Variants in THSD4 observed in about 807,000 individuals in gnomAD.
THSD4 encodes the protein thrombospondin type 1 domain containing 4, also known as thrombospondin type-1 domain-containing protein 4.
Under a neutral mutation model 119.0 loss-of-function variants are expected in THSD4, and 69 were observed. The observed-to-expected ratio is 0.58, with a 90% confidence interval of 0.48 to 0.71. THSD4 has a LOEUF of 0.71. Ranked by LOEUF, THSD4 falls within the 30% of genes least tolerant of loss-of-function variation. The probability of loss-of-function intolerance (pLI) is 0.00; values close to 1 mark genes in which losing one functional copy is unlikely to be tolerated. For missense variants in THSD4, 1,393 were observed against 1,391.1 expected (o/e 1.00, Z -0.02); for synonymous variants, 524 against 540.4 (o/e 0.97, Z 0.42).
At chr15:71,442,660 G>GTGTGTGTATGTATGTGTATATA in intron 7 of THSD4, among the ~76,000 whole-genome samples, 1 of 25,828 alleles carries the variant, frequency 3.9e-5, no homozygotes, top group East Asian at 8.2e-4. Context: ...GTGTGTGTGT[G>GTGTGTGTATGTATGTGTATATA]TATATATATA....
At chr15:71,642,859 G>A (rs11631960) in intron 7 of THSD4, among the ~76,000 whole-genome samples, 55,587 of 151,670 alleles carry the variant, frequency 0.37, 10,984 homozygotes, top group East Asian at 0.83. Context: ...TAAATGACGA[G>A]TTAATGGGTG....
At chr15:71,406,037 T>C (rs2046600784) in intron 6 of THSD4, among the ~76,000 whole-genome samples, 1 of 152,120 alleles carries the variant, frequency 6.6e-6, no homozygotes, top group Non-Finnish European at 1.5e-5. Flanking sequence ...TCCTCCTGCC[T>C]TGGACTCCCA....
chr15:71,488,750 T>G (rs2047863300), intron 7 of THSD4, among the ~76,000 whole-genome samples: 1 of 152,248 alleles, frequency 6.6e-6, no homozygotes, highest in South Asian at 2.1e-4. Flanking sequence ...TGTAGTTATT[T>G]CCTCATAACA....
At chr15:71,443,414 A>G (rs1275551569) in intron 7 of THSD4, among the ~76,000 whole-genome samples, 1 of 120,028 alleles carries the variant, frequency 8.3e-6, no homozygotes, top group Non-Finnish European at 1.7e-5. Context: ...CCAACCTGTA[A>G]TTAAAAGAAA....
Position 71,250,176 on chromosome 15 carries a change from A to G in THSD4, c.913-6437A>G, listed in dbSNP as rs372059929. Among the ~76,000 whole-genome samples the G allele has an allele frequency of 1.5e-3, 231 of 152,160 alleles. 12 individuals are homozygous for G. The South Asian group carries it at 0.047, about 31-fold the overall frequency. ...TCTTTGTATCCTCATTACTGTCAAC[A>G]CCTCACACATGGAGCGCTGCAATGA... On this transcript the variant is annotated intron_variant, in intron 5 of 17. Coordinates refer to ENST00000261862, the MANE Select transcript of THSD4 (RefSeq NM_024817.3).
At chr15:71,716,111 C>T (rs1361805709) in intron 8 of THSD4, among the ~76,000 whole-genome samples, 2 of 152,196 alleles carry the variant, frequency 1.3e-5, no homozygotes, top group African/African-American at 4.8e-5. Context: ...CCTCTATCAG[C>T]TTCCAGTGCT....
intron 11 of THSD4, among the ~76,000 whole-genome samples, chr15:71,739,158 C>G (rs1040060033): frequency 6.6e-6 from 1 of 151,164 alleles, no homozygotes; most frequent in Non-Finnish European, 1.5e-5. Flanking sequence ...TTTACACTGA[C>G]CAACACTCAC....
intron 7 of THSD4, among the ~76,000 whole-genome samples, chr15:71,420,237 G>T (rs1200179074): frequency 9.3e-6 from 1 of 107,736 alleles, no homozygotes; most frequent in African/African-American, 3.2e-5. Context: ...GACATTCTTT[G>T]TCTCTTTTTA....
intron 3 of THSD4, among the ~76,000 whole-genome samples, chr15:71,181,625 C>T (rs1178359877): frequency 2.0e-5 from 3 of 152,220 alleles, no homozygotes; most frequent in Non-Finnish European, 1.5e-5. Flanking sequence ...ATGGACTTCT[C>T]CACTGTGGAC....
intron 8 of THSD4, among the ~76,000 whole-genome samples, chr15:71,717,379 A>G (rs1470016765): frequency 6.6e-6 from 1 of 152,204 alleles, no homozygotes; most frequent in Non-Finnish European, 1.5e-5. Context: ...ACCCAGTAAC[A>G]TTTATGTAAA....
At chr15:71,707,733 T>C (rs1205944121) in intron 8 of THSD4, among the ~76,000 whole-genome samples, 1 of 152,184 alleles carries the variant, frequency 6.6e-6, no homozygotes, top group African/African-American at 2.4e-5. Context: ...AATCATAGGC[T>C]CCTAAGAATT....
chr15:71,723,318 T>C (rs989897966), intron 8 of THSD4, among the ~76,000 whole-genome samples: 14 of 152,200 alleles, frequency 9.2e-5, no homozygotes, highest in Non-Finnish European at 2.9e-5. Flanking sequence ...ATACTTGCAA[T>C]ATTAAATTTT....
chr15:71,518,776 C>G (rs1354562917), intron 7 of THSD4, among the ~76,000 whole-genome samples: 1 of 152,124 alleles, frequency 6.6e-6, no homozygotes, highest in Non-Finnish European at 1.5e-5. Context: ...AAACCCAGGA[C>G]AGAGCTTTGT....
chr15:71,729,682 G>C (rs1277422672), intron 9 of THSD4: 2 of 152,008 alleles, frequency 1.3e-5, no homozygotes, highest in South Asian at 4.2e-4. Context: ...TGGCATCAGA[G>C]GTAAAAACTC....
At chr15:71,125,827 G>A (rs1335383603) in intron 1 of THSD4, among the ~76,000 whole-genome samples, 1 of 152,242 alleles carries the variant, frequency 6.6e-6, no homozygotes, top group Non-Finnish European at 1.5e-5. Context: ...TTCTTGGCTC[G>A]GGAACATGTT....
Position 71,165,132 on chromosome 15 carries a change from T to C in THSD4, c.99+10200T>C, listed in dbSNP as rs550469516. ...AGGAAGAAGGCCGAAGGAGGCCTCT[T>C]GGGTGCATTGGGATCCTTGAACTTC... On this transcript the variant is annotated intron_variant, in intron 3 of 17. Transcript: ENST00000261862. 2.5e-6 allele frequency: 4 copies of C among 1,607,742 alleles called. No individual in the cohort carries two copies. The East Asian group carries it at 6.7e-5, about 27-fold the overall frequency.
At position 71,737,802 on chromosome 15, in the gene THSD4, C is replaced by A. The variant is rs200317870; in HGVS notation, c.1701C>A (p.Asn567Lys). Residue 567 changes from asparagine (N) to lysine (K), a missense_variant, in exon 11 of 18, where the codon AAC (asparagine) becomes AAA (lysine). Transcript: ENST00000261862. ...AGGAGGGAGAACAGAAAGGGAGGAA[C>A]GAGGAGAAGGAAGACTTGCGTGGGG... Reference protein sequence around the residue: ...SQEEGEQKGRNEEKEDLRGEA... With the variant: ...SQEEGEQKGRKEEKEDLRGEA... The A allele has an allele frequency of 1.5e-3, 2,474 of 1,614,166 alleles. 6 individuals carry two copies. Among genetic ancestry groups the A allele is most frequent in the Admixed American group, 2.0e-3 (121 of 60,016 alleles).
intron 1 of THSD4, among the ~76,000 whole-genome samples, chr15:71,107,831 C>T (rs949984721): frequency 3.3e-5 from 5 of 152,178 alleles, no homozygotes; most frequent in Admixed American, 2.0e-4. Flanking sequence ...TGAGAGAATT[C>T]AGCAGTTAGT....
At chr15:71,170,986 A>G (rs1282833977) in intron 3 of THSD4, among the ~76,000 whole-genome samples, 1 of 152,200 alleles carries the variant, frequency 6.6e-6, no homozygotes, top group African/African-American at 2.4e-5. Context: ...GAAACTCTCC[A>G]AAGTGAAATA....
Sources: allele counts gnomAD v4.1 joint callset (sites outside exome capture counted in the v4.1 genomes callset), GRCh38; gene constraint gnomAD v4.1.1; transcripts MANE v1.5; gene names NCBI Gene and HGNC (gene_info 2026-07-23, HGNC 2026-07-21).